Variants in HAUS6 observed in about 807,000 individuals in gnomAD.
The protein encoded by HAUS6 is HAUS augmin-like complex subunit 6.
Under a neutral mutation model 106.8 loss-of-function variants are expected in HAUS6, and 80 were observed. The ratio of observed to expected loss-of-function variants is 0.75; its 90% CI spans 0.63 to 0.90. The LOEUF is 0.90. Among genes scored for constraint, HAUS6 ranks in the 40% least tolerant of loss-of-function variants. HAUS6 has a pLI of 0.00. For missense variants in HAUS6, 1,155 were observed against 1,118.1 expected (o/e 1.03, Z -0.47); for synonymous variants, 356 against 379.1 (o/e 0.94, Z 0.71).
intron 3 of HAUS6, among the ~76,000 whole-genome samples, chr9:19,093,834 A>C (rs960608798): frequency 6.6e-6 from 1 of 152,166 alleles, no homozygotes; most frequent in Non-Finnish European, 1.5e-5. Flanking sequence ...GCGCCATTGC[A>C]CTCCAGCCTG....
chr9:19,057,592 C>G (rs1025664678), intron 16 of HAUS6: 6 of 228,858 alleles, frequency 2.6e-5, no homozygotes, highest in Non-Finnish European at 5.0e-5. Flanking sequence ...TACACCCCAC[C>G]CCCAGATATT....
At chr9:19,094,247 A>G (rs1026758873) in intron 3 of HAUS6, 70 bp downstream of exon 3, 2 of 875,742 alleles carry the variant, frequency 2.3e-6, no homozygotes, top group Non-Finnish European at 3.7e-6. Flanking sequence ...TTTCACCTCT[A>G]AAAAGTTAAA....
At chr9:19,099,434 G>A (rs1197663945) in intron 1 of HAUS6, among the ~76,000 whole-genome samples, 1 of 151,896 alleles carries the variant, frequency 6.6e-6, no homozygotes, top group East Asian at 1.9e-4. Flanking sequence ...CCAAAGTGCT[G>A]GAATTACAGG....
intron 14 of HAUS6, among the ~76,000 whole-genome samples, chr9:19,061,019 C>G (rs1208463236): frequency 1.3e-5 from 2 of 152,126 alleles, no homozygotes; most frequent in Admixed American, 6.5e-5. Flanking sequence ...ACAAAATTAG[C>G]TGGGCATGGT....
rs755096672 is a variant in HAUS6, at chr9:19,102,643, C to T, written c.9G>A (p.Ser3=). The change falls in exon 1 of 17, where the codon TCG becomes TCA. Residue 3 remains serine (S), a synonymous_variant. Coordinates refer to ENST00000380502, the MANE Select transcript of HAUS6 (RefSeq NM_017645.5). ...CCTTCTCGAAAGCGGTGACCGAGGCCGAGCTCATCCTCGCGGTAGGCACGG... is the reference window on the plus strand; with the variant it reads ...CCTTCTCGAAAGCGGTGACCGAGGCTGAGCTCATCCTCGCGGTAGGCACGG... MS[S]ASVTAFEKEH... 26 of 1,611,858 alleles carry T rather than the reference C, an allele frequency of 1.6e-5. No individual in the cohort carries two copies. Among genetic ancestry groups the T allele is most frequent in the Non-Finnish European group, 2.2e-5 (26 of 1,178,884 alleles).
chr9:19,072,241 G>A (rs983268420), intron 11 of HAUS6, among the ~76,000 whole-genome samples: 3 of 149,566 alleles, frequency 2.0e-5, no homozygotes, highest in East Asian at 4.0e-4. Context: ...GGCCAGGTAC[G>A]ATGACTAACA....
At chr9:19,101,730 G>A (rs930213927) in intron 1 of HAUS6, among the ~76,000 whole-genome samples, 2 of 152,184 alleles carry the variant, frequency 1.3e-5, no homozygotes, top group Non-Finnish European at 2.9e-5. Context: ...GACCATCCTG[G>A]CCAACATGGT....
chr9:19,060,281 C>G, intron 14 of HAUS6, 58 bp from the exon 15 acceptor site: 1 of 1,344,700 alleles, frequency 7.4e-7, no homozygotes, highest in Non-Finnish European at 1.0e-6. Flanking sequence ...TAGAATGCAA[C>G]AAAACCCCTG....
intron 11 of HAUS6, among the ~76,000 whole-genome samples, chr9:19,071,355 G>C (rs986690708): frequency 6.6e-6 from 1 of 152,016 alleles, no homozygotes; most frequent in African/African-American, 2.4e-5. Context: ...ATGAAAGACA[G>C]AATTAGAAGT....
chr9:19,064,541 TA>T (rs576701323), intron 12 of HAUS6, among the ~76,000 whole-genome samples: 1 of 152,214 alleles, frequency 6.6e-6, no homozygotes, highest in Admixed American at 6.5e-5. Context: ...ACTTTGGTCT[TA>T]AAAACCTTTA....
chr9:19,095,744 T>A (rs1817847900), intron 2 of HAUS6, among the ~76,000 whole-genome samples: 1 of 152,090 alleles, frequency 6.6e-6, no homozygotes, highest in East Asian at 1.9e-4. Context: ...TCAAAATAAA[T>A]TTGAACACTT....
At position 19,073,009 on chromosome 9, in the gene HAUS6, TAAA is replaced by T. The variant is rs566194101; in HGVS notation, c.1295-2712_1295-2710del. Among the ~76,000 whole-genome samples, 392 of 152,208 alleles carry T rather than the reference TAAA, an allele frequency of 2.6e-3. 6 individuals are homozygous for T. In the South Asian group the frequency reaches 0.031, roughly 12 times the overall value. On this transcript the variant is annotated intron_variant, in intron 11 of 16. Coordinates refer to ENST00000380502, the MANE Select transcript of HAUS6 (RefSeq NM_017645.5). Reference sequence around the variant, plus strand: ...ATAAAAAATTTTCATTTATAAACTTTAAAAAAGAGGAAGAACAATATTACATAT... The same window carrying T: ...ATAAAAAATTTTCATTTATAAACTTTAAAGAGGAAGAACAATATTACATAT...
chr9:19,089,851 G>C (rs1410681000), intron 4 of HAUS6, among the ~76,000 whole-genome samples: 2 of 151,928 alleles, frequency 1.3e-5, no homozygotes, highest in Non-Finnish European at 2.9e-5. Context: ...TTGTTTTTTT[G>C]AGACAGGGTC....
In HAUS6 at chr9:19,093,273, C is replaced by T. The variant is rs1380531323; in HGVS notation, c.334G>A (p.Val112Ile). 1.9e-6 allele frequency: 3 copies of T among 1,608,334 alleles called. No homozygotes were observed. Among genetic ancestry groups the T allele is most frequent in the Non-Finnish European group, 2.5e-6 (3 of 1,177,226 alleles). ...CCAGGAGAAAGAAATAGTGAACCAA[C>T]AACTTGAGGAAAGCTACTTCCACAT... ...GECGSSFPQV[V>I]GSLFLSPGGP... is the part of the protein sequence containing the mutation. The change falls in exon 4 of 17, where the codon GTT (valine) becomes ATT (isoleucine). Residue 112 changes from valine to isoleucine, a missense_variant. This residue lies in a region of HAUS6 where 761 missense variants were observed against 690.0 expected (regional missense o/e 1.10). Coordinates refer to ENST00000380502, the MANE Select transcript of HAUS6 (RefSeq NM_017645.5).
chr9:19,060,953 G>A (rs1338096250), intron 14 of HAUS6, among the ~76,000 whole-genome samples: 1 of 152,092 alleles, frequency 6.6e-6, no homozygotes, highest in African/African-American at 2.4e-5. Context: ...CTTCAGGTCA[G>A]GAGTTCAAGA....
intron 2 of HAUS6, 71 bp downstream of exon 2, chr9:19,096,603 G>A (rs939349000): frequency 5.0e-6 from 3 of 602,882 alleles, no homozygotes; most frequent in African/African-American, 4.2e-5. Context: ...GAGAATTCTG[G>A]CTTGTATCAA....
At chr9:19,070,120 C>T in intron 12 of HAUS6, 99 bp downstream of exon 12, 1 of 707,014 alleles carries the variant, frequency 1.4e-6, no homozygotes, top group South Asian at 1.7e-5. Context: ...CCCCAACAGA[C>T]CCAGAAGTCC....
chr9:19,066,583 AC>A (rs1836764720), intron 12 of HAUS6, among the ~76,000 whole-genome samples: 4 of 151,328 alleles, frequency 2.6e-5, no homozygotes, highest in Non-Finnish European at 4.4e-5. Context: ...TCCCCCCCAC[AC>A]ACACAAACAC....
At chr9:19,102,124 A>G (rs187849074) in intron 1 of HAUS6, among the ~76,000 whole-genome samples, 1 of 152,300 alleles carries the variant, frequency 6.6e-6, no homozygotes, top group East Asian at 1.9e-4. Context: ...AAATTATAAA[A>G]TTAAACAACC....
Sources: gnomAD v4.1 joint callset for allele counts (sites outside exome capture counted in the v4.1 genomes callset) on GRCh38, gnomAD v4.1.1 for gene constraint, gnomAD v4.1.1 regional missense constraint, MANE v1.5 for transcripts, NCBI Gene and HGNC (gene_info 2026-07-23, HGNC 2026-07-21) for gene names.